RPAP2: variants seen among roughly 807,000 people sequenced by gnomAD.
RPAP2 encodes putative RNA polymerase II subunit B1 CTD phosphatase RPAP2.
RPAP2 carries 52 observed loss-of-function variants against 73.1 expected under a neutral mutation model. The observed-to-expected ratio is 0.71, with a 90% confidence interval of 0.57 to 0.90. The LOEUF (loss-of-function observed/expected upper bound fraction) is 0.90. Ranked by LOEUF, RPAP2 falls within the 40% of genes least tolerant of loss-of-function variation. The pLI, the probability that RPAP2 is intolerant of heterozygous loss-of-function variation, is 0.00. For missense variants in RPAP2, 598 were observed against 701.8 expected, an observed-to-expected ratio of 0.85 and a Z score of 1.67; for synonymous variants, 225 against 242.1, an observed-to-expected ratio of 0.93 and a Z score of 0.65.
chr1:92,402,034 C>T lies in RPAP2; in HGVS notation c.*15023C>T, dbSNP rs776507489. 2.0e-5 allele frequency: 3 copies of T among 152,096 alleles called. No homozygotes were observed. Among genetic ancestry groups the T allele is most frequent in the Non-Finnish European group, 4.4e-5 (3 of 68,030 alleles). 9.4% of individuals were successfully genotyped at this position (152,096 alleles called of 1,614,324 possible). The stretch of plus-strand genomic sequence containing the variant: ...GTTTTGAAATCAAAGTAATACTGGC[C>T]TAATAAAATGAGTTGGAATGTGTAC... On this transcript the variant is annotated 3_prime_UTR_variant, in exon 13 of 13. Transcript: ENST00000610020.
intron 12 of RPAP2, among the ~76,000 whole-genome samples, chr1:92,385,886 A>G (rs971271654): frequency 6.6e-6 from 1 of 152,222 alleles, no homozygotes; most frequent in Non-Finnish European, 1.5e-5. Context: ...CAGTTAAGCT[A>G]TCTGCCAGCG....
intron 9 of RPAP2, among the ~76,000 whole-genome samples, chr1:92,334,844 C>G (rs527897392): frequency 2.3e-4 from 35 of 152,100 alleles, no homozygotes; most frequent in Admixed American, 2.0e-3. Context: ...AAAAATTAGC[C>G]GGGCGTGGTG....
rs1288029898 is a variant in RPAP2 at position 92,400,529 on chromosome 1, A to G, written c.*13518A>G. On this transcript the variant is annotated 3_prime_UTR_variant, in exon 13 of 13. Transcript: ENST00000610020. ...TATTTTTTAGAGACAGGGTGTCACTATGTTACCCAGGTCTCAATCACTATG... is the reference window on the plus strand; with the variant it reads ...TATTTTTTAGAGACAGGGTGTCACTGTGTTACCCAGGTCTCAATCACTATG... The G allele has an allele frequency of 3.3e-5, 5 of 151,990 alleles. No homozygotes were observed. Among genetic ancestry groups the G allele is most frequent in the African/African-American group, 4.8e-5 (2 of 41,372 alleles). 9.4% of individuals were successfully genotyped at this position (151,990 alleles called of 1,614,324 possible). A position where few individuals can be genotyped will look rare whatever the true frequency, so the allele number is the denominator to read the frequency against.
At chr1:92,337,930 A>C (rs969087837) in intron 10 of RPAP2, among the ~76,000 whole-genome samples, 1 of 152,154 alleles carries the variant, frequency 6.6e-6, no homozygotes, top group South Asian at 2.1e-4. Flanking sequence ...TCTGTTTTAG[A>C]TTATTTAAAT....
intron 11 of RPAP2, among the ~76,000 whole-genome samples, chr1:92,365,676 G>A (rs1305187154): frequency 2.0e-5 from 3 of 152,170 alleles, no homozygotes; most frequent in African/African-American, 7.2e-5. Flanking sequence ...AAGGAAGGGT[G>A]AATTAGAAAC....
chr1:92,369,284 T>C (rs1655052076), intron 11 of RPAP2, among the ~76,000 whole-genome samples: 1 of 152,142 alleles, frequency 6.6e-6, no homozygotes, highest in Non-Finnish European at 1.5e-5. Flanking sequence ...GGGTTTTGCT[T>C]GTTTGTTTTG....
At position 92,401,532 on chromosome 1, in the gene RPAP2, T is replaced by G. The variant is rs1428909903; in HGVS notation, c.*14521T>G. 6.6e-6 allele frequency: 1 copy of G among 152,212 alleles called. No homozygotes were observed. The highest frequency in any genetic ancestry group is 1.5e-5 in the Non-Finnish European group (1 of 68,028). 9.4% of individuals were successfully genotyped at this position (152,212 alleles called of 1,614,324 possible). A position where few individuals can be genotyped will look rare whatever the true frequency, so the allele number is the denominator to read the frequency against. Reference sequence around the variant, plus strand: ...TCTTTGCCAACCCATATGTCTTGCCTTACTGCCCTGGTTAGGACCTTCAGA... The same window carrying G: ...TCTTTGCCAACCCATATGTCTTGCCGTACTGCCCTGGTTAGGACCTTCAGA... On this transcript the variant is annotated 3_prime_UTR_variant, in exon 13 of 13. Transcript: ENST00000610020.
intron 5 of RPAP2, among the ~76,000 whole-genome samples, chr1:92,305,627 A>T (rs116612824): frequency 0.019 from 2,949 of 152,012 alleles, 118 homozygotes; most frequent in African/African-American, 0.067. Flanking sequence ...ATGTTAACTG[A>T]CCATAGAATC....
rs1655904006 is a variant in RPAP2 at position 92,387,329 on chromosome 1, G to A, written c.*318G>A. 5.2e-6 allele frequency: 1 copy of A among 191,930 alleles called. No individual in the cohort carries two copies. Among genetic ancestry groups the A allele is most frequent in the African/African-American group, 2.3e-5 (1 of 43,034 alleles). The allele number at this position is 191,930 out of a possible 1,614,324, so 11.9% of individuals were successfully genotyped here. ...GAATGAATATTCAAGAAAATATAAT[G>A]ATCTCTACTTTTTCTGGATGATTTC... On this transcript the variant is annotated 3_prime_UTR_variant, in exon 13 of 13. Transcript: ENST00000610020.
At chr1:92,349,808 G>C (rs1433181906) in intron 11 of RPAP2, among the ~76,000 whole-genome samples, 5 of 152,114 alleles carry the variant, frequency 3.3e-5, no homozygotes, top group African/African-American at 1.2e-4. Flanking sequence ...TATGTCTGTA[G>C]TCCTAGCTAC....
intron 7 of RPAP2, among the ~76,000 whole-genome samples, chr1:92,322,998 T>C (rs969476832): frequency 2.7e-5 from 4 of 147,252 alleles, no homozygotes; most frequent in Non-Finnish European, 6.0e-5. Context: ...TGTAAATATG[T>C]GTACATATAA....
chr1:92,385,992 A>G (rs1025642440), intron 12 of RPAP2, among the ~76,000 whole-genome samples: 4 of 152,180 alleles, frequency 2.6e-5, no homozygotes, highest in African/African-American at 9.6e-5. Flanking sequence ...TATTGAACTC[A>G]GGGTCTCAGT....
At position 92,396,164 on chromosome 1, in the gene RPAP2, C is replaced by G. The variant is rs1656177546; in HGVS notation, c.*9153C>G. 6.6e-6 allele frequency: 1 copy of G among 150,688 alleles called. No individual in the cohort carries two copies. The highest frequency in any genetic ancestry group is 1.5e-5 in the Non-Finnish European group (1 of 67,786). 9.3% of individuals were successfully genotyped at this position (150,688 alleles called of 1,614,324 possible). On this transcript the variant is annotated 3_prime_UTR_variant, in exon 13 of 13. Coordinates refer to ENST00000610020, the MANE Select transcript of RPAP2 (RefSeq NM_024813.3). ...TCATAGCATTATCATTCATATTAGT[C>G]AAAAAGTGGAAACCAAATGACCATC...
rs577308014 is a variant in RPAP2 at position 92,367,640 on chromosome 1, C to G, written c.1689-13084C>G. Among the ~76,000 whole-genome samples, 4 of 152,334 alleles carry G rather than the reference C, an allele frequency of 2.6e-5. No individual in the cohort carries two copies. The East Asian group carries it at 7.7e-4, about 29-fold the overall frequency. On this transcript the variant is annotated intron_variant, in intron 11 of 12. Coordinates refer to ENST00000610020, the MANE Select transcript of RPAP2 (RefSeq NM_024813.3). ...AACAGGTCTCCCTACTGCAGCAGAA[C>G]TCTGCATGAACCCAGTAATTTCTCA...
rs1246741301 is a variant in RPAP2, at chr1:92,323,682, C to G, written c.762C>G (p.His254Gln). Residue 254 changes from histidine (H) to glutamine (Q), a missense_variant, in exon 8 of 13, where the codon CAC (histidine) becomes CAG (glutamine). Physicochemically the swap from His to Gln is conservative, Grantham distance 24. Coordinates refer to ENST00000610020, the MANE Select transcript of RPAP2 (RefSeq NM_024813.3). ...GCATAATGAAAAAGAAAGCTGGTCACAAAGCTAACTCCAAACACAAAGACA... is the reference window on the plus strand; with the variant it reads ...GCATAATGAAAAAGAAAGCTGGTCAGAAAGCTAACTCCAAACACAAAGACA... ...QKSIMKKKAGHKANSKHKDKE... is the reference protein window; with the variant it reads ...QKSIMKKKAGQKANSKHKDKE... 1.2e-6 allele frequency: 2 copies of G among 1,613,710 alleles called. No homozygotes were observed. Among genetic ancestry groups the G allele is most frequent in the South Asian group, 1.1e-5 (1 of 91,070 alleles).
At chr1:92,362,542 A>AATC (rs1429288883) in intron 11 of RPAP2, among the ~76,000 whole-genome samples, 3 of 152,180 alleles carry the variant, frequency 2.0e-5, no homozygotes, top group African/African-American at 7.2e-5. Context: ...GCTCAAGTAT[A>AATC]ATCTGCCTTA....
intron 11 of RPAP2, among the ~76,000 whole-genome samples, chr1:92,360,329 G>C (rs1654673704): frequency 6.6e-6 from 1 of 152,236 alleles, no homozygotes; most frequent in African/African-American, 2.4e-5. Flanking sequence ...AGTTTCTACA[G>C]AATGATAGGA....
intron 12 of RPAP2, among the ~76,000 whole-genome samples, chr1:92,385,543 G>GT (rs1294462502): frequency 1.3e-5 from 2 of 151,890 alleles, no homozygotes; most frequent in African/African-American, 2.4e-5. Flanking sequence ...AGGATAGAAG[G>GT]TTTTTTTGTT....
In RPAP2 at chr1:92,336,399, C is replaced by T. The variant is rs1653280281; in HGVS notation, c.1591C>T (p.Gln531Ter). Residue 531 changes from glutamine (Q) to a stop codon, truncating the protein, a stop_gained, in exon 10 of 13, where the codon CAA (glutamine) becomes TAA (stop). Coordinates refer to ENST00000610020, the MANE Select transcript of RPAP2 (RefSeq NM_024813.3). LOFTEE classifies it high-confidence loss of function. The stretch of plus-strand genomic sequence containing the variant: ...GATTACATTGGGAGATATTTACACA[C>T]AACTTAAAAATCTTGTTCGAACTTT... ...LQITLGDIYT[Q>*]LKNLVRTFRL... is the part of the protein sequence containing the mutation. 1.2e-6 allele frequency: 2 copies of T among 1,609,432 alleles called. No homozygotes were observed. The highest frequency in any genetic ancestry group is 2.2e-5 in the East Asian group (1 of 44,750).
Sources: allele counts gnomAD v4.1 joint callset (sites outside exome capture counted in the v4.1 genomes callset), GRCh38; gene constraint gnomAD v4.1.1; transcripts MANE v1.5; gene names NCBI Gene and HGNC (gene_info 2026-07-23, HGNC 2026-07-21).